Variants in PAX2 observed in about 807,000 individuals in gnomAD.
PAX2 encodes the protein paired box protein Pax-2.
A neutral mutation model predicts 41.7 loss-of-function variants in PAX2; 9 were observed. That is an observed-to-expected ratio of 0.22 (90% CI 0.13 to 0.38). PAX2 has a LOEUF of 0.38. Among genes scored for constraint, PAX2 ranks in the 10% least tolerant of loss-of-function variants. The pLI is 1.00. For synonymous variants in PAX2, 221 were observed against 212.7 expected, an observed-to-expected ratio of 1.04 and a Z score of -0.34; for missense variants, 418 against 531.6, an observed-to-expected ratio of 0.79 and a Z score of 2.10.
intron 1 of PAX2, chr10:100,747,949 A>G (rs4492751): frequency 0.056 from 54,990 of 981,828 alleles, 1,625 homozygotes; most frequent in Middle Eastern, 0.11. Flanking sequence ...TTGAAACCCA[A>G]AGGTTTCTGC....
intron 7 of PAX2, among the ~76,000 whole-genome samples, chr10:100,811,913 A>G (rs1007169225): frequency 2.2e-4 from 33 of 152,214 alleles, no homozygotes; most frequent in Non-Finnish European, 3.2e-4. Context: ...GGAATGCCCT[A>G]GCCCAACCTG....
chr10:100,807,339 G>T (rs1847827348), intron 6 of PAX2, among the ~76,000 whole-genome samples: 1 of 150,878 alleles, frequency 6.6e-6, no homozygotes, highest in African/African-American at 2.4e-5. Context: ...CTGTCCACCT[G>T]CTCCCCCACC....
At position 100,747,554 on chromosome 10, in the gene PAX2, G is replaced by T. The variant is rs935020707; in HGVS notation, c.43+1251G>T. ...GCAGATTAATAATTAAGGATAATTTGTAACTTTTCACAAGGAAACTTTAGA... is the reference window on the plus strand; with the variant it reads ...GCAGATTAATAATTAAGGATAATTTTTAACTTTTCACAAGGAAACTTTAGA... On this transcript the variant is annotated intron_variant, in intron 1 of 9. Transcript: ENST00000355243. The T allele has an allele frequency of 8.7e-6, 8 of 922,516 alleles. No individual in the cohort carries two copies. The African/African-American group carries it at 1.3e-4, about 14-fold the overall frequency. 57.1% of individuals were successfully genotyped at this position (922,516 alleles called of 1,614,324 possible).
rs1465964167 is a variant in PAX2 at position 100,829,563 on chromosome 10, A to C, written c.*1944A>C. 4 of 207,932 alleles carry C rather than the reference A, an allele frequency of 1.9e-5. No individual in the cohort carries two copies. Among genetic ancestry groups the C allele is most frequent in the Non-Finnish European group, 3.9e-5 (4 of 101,368 alleles). The allele number at this position is 207,932 out of a possible 1,614,324, so 12.9% of individuals were successfully genotyped here. A position where few individuals can be genotyped will look rare whatever the true frequency, so the allele number is the denominator to read the frequency against. On this transcript the variant is annotated 3_prime_UTR_variant, in exon 10 of 10. Coordinates refer to ENST00000355243, the MANE Select transcript of PAX2 (RefSeq NM_000278.5). ...ACAGAAACAAAGTCAATAAAGTGAA[A>C]ATAAATAAAAATCCTTGAACAAATC...
chr10:100,791,327 G>A lies in PAX2; in HGVS notation c.616+9962G>A, dbSNP rs1268186595. On this transcript the variant is annotated intron_variant, in intron 5 of 9. Coordinates refer to ENST00000355243, the MANE Select transcript of PAX2 (RefSeq NM_000278.5). This position sits in a 1 kb window ranked among gnomAD's most constrained non-coding sequence, Gnocchi z 4.5. ...TCTGCCCCAGGCTTCACCTTTTTCA[G>A]GAGGACTGGCTAGAGTGTGTGTGCA... Among the ~76,000 whole-genome samples the A allele has an allele frequency of 2.0e-5, 3 of 152,152 alleles. No homozygotes were observed.
intron 1 of PAX2, among the ~76,000 whole-genome samples, chr10:100,739,485 G>A (rs529973733): frequency 2.0e-5 from 3 of 152,272 alleles, no homozygotes; most frequent in South Asian, 4.1e-4. Flanking sequence ...TTTGGTGCCG[G>A]CTCGCAACTC....
At chr10:100,815,163 C>T (rs1446571472) in intron 7 of PAX2, among the ~76,000 whole-genome samples, 1 of 152,150 alleles carries the variant, frequency 6.6e-6, no homozygotes, top group Non-Finnish European at 1.5e-5. Context: ...GTTAACAACC[C>T]CCTTCCAATG....
At chr10:100,786,523 G>T (rs56064122) in intron 5 of PAX2, among the ~76,000 whole-genome samples, 8,539 of 152,276 alleles carry the variant, frequency 0.056, 653 homozygotes, top group African/African-American at 0.17. Flanking sequence ...GTATGCATGT[G>T]TTCTACCGCT....
intron 1 of PAX2, among the ~76,000 whole-genome samples, chr10:100,740,059 C>T (rs1385451547): frequency 1.3e-5 from 2 of 152,186 alleles, no homozygotes; most frequent in African/African-American, 4.8e-5. Context: ...TCCTCCCAGC[C>T]AGGCCTCTCC....
intron 7 of PAX2, 76 bp downstream of exon 7, chr10:100,809,312 T>C: frequency 3.6e-6 from 5 of 1,389,590 alleles, no homozygotes; most frequent in Non-Finnish European, 5.1e-6. Context: ...TGAGGCCCAG[T>C]GTGAGGAGCA....
At chr10:100,737,541 CG>C (rs556321916) in intron 1 of PAX2, among the ~76,000 whole-genome samples, 3 of 152,230 alleles carry the variant, frequency 2.0e-5, no homozygotes, top group Admixed American at 6.5e-5. Context: ...CCGGGAAAGG[CG>C]GGGGGGAGCT....
Position 100,829,547 on chromosome 10 carries a change from A to G in PAX2, c.*1928A>G, listed in dbSNP as rs1438244202. 2 of 208,276 alleles carry G rather than the reference A, an allele frequency of 9.6e-6. No homozygotes were observed. The allele number at this position is 208,276 out of a possible 1,614,324, so 12.9% of individuals were successfully genotyped here. ...GTGACGACTCGAAATAACAGAAACA[A>G]AGTCAATAAAGTGAAAATAAATAAA... On this transcript the variant is annotated 3_prime_UTR_variant, in exon 10 of 10. Transcript: ENST00000355243.
intron 3 of PAX2, among the ~76,000 whole-genome samples, chr10:100,755,786 A>G (rs1041964332): frequency 2.6e-5 from 4 of 152,132 alleles, no homozygotes; most frequent in Non-Finnish European, 4.4e-5. Flanking sequence ...GGACAACACA[A>G]CAGTTCAATA....
At chr10:100,825,817 T>C (rs1848534172) in intron 8 of PAX2, among the ~76,000 whole-genome samples, 1 of 151,690 alleles carries the variant, frequency 6.6e-6, no homozygotes, top group African/African-American at 2.4e-5. Context: ...GTTAGAGGTG[T>C]GGGTAAAGGG....
chr10:100,738,102 C>A (rs1844835156), intron 1 of PAX2, among the ~76,000 whole-genome samples: 1 of 152,234 alleles, frequency 6.6e-6, no homozygotes, highest in South Asian at 2.1e-4. Context: ...GACGCTGGTC[C>A]CCTGCCTCTG....
chr10:100,736,769 G>A (rs990112485), intron 1 of PAX2, among the ~76,000 whole-genome samples: 2 of 152,190 alleles, frequency 1.3e-5, no homozygotes, highest in African/African-American at 4.8e-5. Context: ...GGCCACCTGA[G>A]CTTTTAGGGC....
intron 5 of PAX2, among the ~76,000 whole-genome samples, chr10:100,783,856 C>G (rs953215872): frequency 6.6e-5 from 10 of 152,094 alleles, no homozygotes; most frequent in African/African-American, 2.4e-4. Context: ...CCTGCTGGGC[C>G]TATCCGGGTG....
chr10:100,735,700 G>C lies in PAX2; in HGVS notation c.-9G>C, dbSNP rs1844761733. 2.8e-6 allele frequency: 3 copies of C among 1,055,268 alleles called. No homozygotes were observed. In the South Asian group the frequency reaches 1.4e-4, roughly 48 times the overall value. 65.4% of individuals were successfully genotyped at this position (1,055,268 alleles called of 1,614,324 possible). A position where few individuals can be genotyped will look rare whatever the true frequency, so the allele number is the denominator to read the frequency against. On this transcript the variant is annotated 5_prime_UTR_variant, in exon 1 of 10. Coordinates refer to the PAX2 transcript ENST00000679374. ...AGCCCCAGGACGCGGCGGCCGCGGGGAGCCTAGCATGGAAGAGCGCGCGGG... is the reference window on the plus strand; with the variant it reads ...AGCCCCAGGACGCGGCGGCCGCGGGCAGCCTAGCATGGAAGAGCGCGCGGG...
chr10:100,739,001 G>A (rs1261510289), intron 1 of PAX2, among the ~76,000 whole-genome samples: 1 of 127,186 alleles, frequency 7.9e-6, no homozygotes, highest in Non-Finnish European at 1.7e-5. Context: ...AATCCGTCGC[G>A]CGCGCGCACG....
Sources: gnomAD v4.1 joint callset for allele counts (sites outside exome capture counted in the v4.1 genomes callset) on GRCh38, gnomAD v4.1.1 for gene constraint, Gnocchi (gnomAD v3.1) non-coding constraint, MANE v1.5 for transcripts, NCBI Gene and HGNC (gene_info 2026-07-23, HGNC 2026-07-21) for gene names.